The following PPP1R13B variants were observed in gnomAD, a reference collection of about 807,000 sequenced individuals.
The protein encoded by PPP1R13B is apoptosis-stimulating of p53 protein 1.
PPP1R13B carries 44 observed loss-of-function variants against 119.8 expected under a neutral mutation model. The ratio of observed to expected loss-of-function variants is 0.37; its 90% CI spans 0.29 to 0.47. PPP1R13B has a LOEUF of 0.47. Ranked by LOEUF, PPP1R13B falls within the 20% of genes least tolerant of loss-of-function variation. The probability of loss-of-function intolerance (pLI) is 0.99; values close to 1 mark genes in which losing one functional copy is unlikely to be tolerated. For synonymous variants in PPP1R13B, 542 were observed against 561.5 expected (o/e 0.97, Z 0.49); for missense variants, 1,227 against 1,413.5 (o/e 0.87, Z 2.12).
chr14:103,823,253 C>T (rs111974966), intron 1 of PPP1R13B, among the ~76,000 whole-genome samples: 3,473 of 151,790 alleles, frequency 0.023, 137 homozygotes, highest in African/African-American at 0.079. Context: ...GCAGGAGAAT[C>T]GCTTGAACCC....
chr14:103,820,549 T>G (rs2086383569), intron 1 of PPP1R13B, among the ~76,000 whole-genome samples: 1 of 151,298 alleles, frequency 6.6e-6, no homozygotes. Flanking sequence ...AGTGCAGTGG[T>G]GCAATTATGG....
intron 4 of PPP1R13B, among the ~76,000 whole-genome samples, chr14:103,777,800 T>TA (rs10658393): frequency 0.39 from 54,321 of 140,852 alleles, 10,203 homozygotes; most frequent in Non-Finnish European, 0.42. Context: ...AAAAAGCAAT[T>TA]AAAAAAAAAA....
chr14:103,733,244 A>G lies in PPP1R13B; in HGVS notation c.*1910T>C, dbSNP rs771031911. On this transcript the variant is annotated 3_prime_UTR_variant, in exon 17 of 17. Transcript: ENST00000202556. ...ATGTTTTAGAATTTGTGTATTGTCAATACTTAATTGGGGGTGGGAGAGACT... is the reference window on the plus strand; with the variant it reads ...ATGTTTTAGAATTTGTGTATTGTCAGTACTTAATTGGGGGTGGGAGAGACT... 1.9e-5 allele frequency: 11 copies of G among 565,280 alleles called. No homozygotes were observed. The highest frequency in any genetic ancestry group is 5.7e-5 in the African/African-American group (3 of 52,600). The allele number at this position is 565,280 out of a possible 1,614,324, so 35.0% of individuals were successfully genotyped here.
chr14:103,796,128 C>A lies in PPP1R13B; in HGVS notation c.157+1243G>T, dbSNP rs187518138. 9.7e-4 allele frequency among the ~76,000 whole-genome samples: 147 copies of A among 151,966 alleles called. 3 individuals carry two copies. In the East Asian group the frequency reaches 0.022, roughly 22 times the overall value. On this transcript the variant is annotated intron_variant, in intron 2 of 16. Transcript: ENST00000202556. ...GCAACATGGCAAAACCCTGTTTCTA[C>A]AAAAATTAGCCGGGCATGGTGGTGC...
At position 103,795,989 on chromosome 14, in the gene PPP1R13B, C is replaced by G. The variant is rs557802068; in HGVS notation, c.157+1382G>C. Among the ~76,000 whole-genome samples, 3 of 152,218 alleles carry G rather than the reference C, an allele frequency of 2.0e-5. No homozygotes were observed. The East Asian group carries it at 5.8e-4, about 29-fold the overall frequency. ...TTCAGTAACAAAAAGACAAATAACC[C>G]ATTTTTAAAATGGGCAATGGGGTGG... On this transcript the variant is annotated intron_variant, in intron 2 of 16. Coordinates refer to ENST00000202556, the MANE Select transcript of PPP1R13B (RefSeq NM_015316.3).
Position 103,807,007 on chromosome 14 carries a change from C to G in PPP1R13B, c.10-9489G>C, listed in dbSNP as rs146657451. ...CCTCTCTGAGAATAAATTTCAAAGT[C>G]CTAACTATTGTCTAAGAGGCCCTGC... On this transcript the variant is annotated intron_variant, in intron 1 of 16. Transcript: ENST00000202556. Among the ~76,000 whole-genome samples, 317 of 152,306 alleles carry G rather than the reference C, an allele frequency of 2.1e-3. 2 individuals are homozygous for G. The highest frequency in any genetic ancestry group is 6.7e-3 in the African/African-American group (280 of 41,566).
chr14:103,815,088 G>A (rs1227914616), intron 1 of PPP1R13B, among the ~76,000 whole-genome samples: 1 of 152,166 alleles, frequency 6.6e-6, no homozygotes, highest in Non-Finnish European at 1.5e-5. Flanking sequence ...CCCATACACT[G>A]GAATATTATT....
chr14:103,772,794 G>A (rs1020568880), intron 4 of PPP1R13B, among the ~76,000 whole-genome samples: 1 of 151,712 alleles, frequency 6.6e-6, no homozygotes, highest in African/African-American at 2.4e-5. Context: ...TGCCTCCCAA[G>A]TAGTTGGGAT....
chr14:103,818,098 G>A (rs1002125409), intron 1 of PPP1R13B, among the ~76,000 whole-genome samples: 7 of 152,180 alleles, frequency 4.6e-5, no homozygotes, highest in Non-Finnish European at 1.0e-4. Context: ...ATAAAAGGAT[G>A]AATTAGTAGA....
At position 103,813,451 on chromosome 14, in the gene PPP1R13B, T is replaced by C. The variant is rs568054944; in HGVS notation, c.10-15933A>G. The stretch of plus-strand genomic sequence containing the variant: ...CAAGGGGAGAACCAGGTGGACATAA[T>C]TGGATCATGGGGCGGTTTCTCCCAT... On this transcript the variant is annotated intron_variant, in intron 1 of 16. Coordinates refer to ENST00000202556, the MANE Select transcript of PPP1R13B (RefSeq NM_015316.3). Among the ~76,000 whole-genome samples the C allele has an allele frequency of 3.9e-5, 6 of 152,272 alleles. No individual in the cohort carries two copies. The South Asian group carries it at 1.0e-3, about 26-fold the overall frequency.
intron 4 of PPP1R13B, among the ~76,000 whole-genome samples, chr14:103,764,818 G>GC (rs2084899773): frequency 6.6e-6 from 1 of 150,760 alleles, no homozygotes; most frequent in Non-Finnish European, 1.5e-5. Context: ...AAATACAGCT[G>GC]TTTTTTTTTG....
intron 1 of PPP1R13B, among the ~76,000 whole-genome samples, chr14:103,830,446 A>G (rs1273181623): frequency 6.6e-6 from 1 of 152,146 alleles, no homozygotes; most frequent in Non-Finnish European, 1.5e-5. Context: ...GTAAAACCTA[A>G]TGAGGTAGGT....
intron 4 of PPP1R13B, among the ~76,000 whole-genome samples, chr14:103,762,305 G>C (rs143795278): frequency 3.3e-4 from 50 of 152,256 alleles, no homozygotes; most frequent in African/African-American, 1.2e-3. Flanking sequence ...GAAAAGACTA[G>C]TGGATTTTGT....
At chr14:103,846,619 G>A (rs904273544) in intron 1 of PPP1R13B, among the ~76,000 whole-genome samples, 3 of 152,152 alleles carry the variant, frequency 2.0e-5, no homozygotes, top group African/African-American at 7.2e-5. Flanking sequence ...CAGATTATAG[G>A]TAAAGGGAAG....
intron 1 of PPP1R13B, among the ~76,000 whole-genome samples, chr14:103,824,225 T>C (rs1159982118): frequency 1.3e-5 from 2 of 150,546 alleles, no homozygotes; most frequent in African/African-American, 4.9e-5. Context: ...TCTGTATTTT[T>C]AGTAGAGACG....
chr14:103,829,608 C>A (rs559936146), intron 1 of PPP1R13B, among the ~76,000 whole-genome samples: 1 of 152,164 alleles, frequency 6.6e-6, no homozygotes, highest in East Asian at 1.9e-4. Context: ...AAACACACAT[C>A]TATAGTGTAT....
chr14:103,822,569 T>G (rs954460041), intron 1 of PPP1R13B, among the ~76,000 whole-genome samples: 1 of 151,998 alleles, frequency 6.6e-6, no homozygotes, highest in African/African-American at 2.4e-5. Flanking sequence ...ATCCCAGCAC[T>G]TTGGGAGTCC....
At chr14:103,843,796 T>C (rs972788387) in intron 1 of PPP1R13B, among the ~76,000 whole-genome samples, 9 of 151,322 alleles carry the variant, frequency 5.9e-5, no homozygotes, top group African/African-American at 1.7e-4. Flanking sequence ...CTACTAAAAA[T>C]ACAAAAATTA....
At chr14:103,808,644 CCT>C (rs2086075031) in intron 1 of PPP1R13B, among the ~76,000 whole-genome samples, 1 of 151,978 alleles carries the variant, frequency 6.6e-6, no homozygotes, top group African/African-American at 2.4e-5. Flanking sequence ...ACCCCCTTCC[CCT>C]GACACAAATT....
Sources: gnomAD v4.1 joint callset for allele counts (sites outside exome capture counted in the v4.1 genomes callset) on GRCh38, gnomAD v4.1.1 for gene constraint, MANE v1.5 for transcripts, NCBI Gene and HGNC (gene_info 2026-07-23, HGNC 2026-07-21) for gene names.